The following ZNF721 variants were observed in gnomAD, a reference collection of about 807,000 sequenced individuals.
ZNF721 encodes the protein zinc finger protein 721.
In ZNF721, 2 loss-of-function variants were observed where a neutral mutation model predicts 2.4. The ratio of observed to expected loss-of-function variants is 0.82; its 90% CI spans 0.34 to 2.58. The LOEUF (loss-of-function observed/expected upper bound fraction) is 2.58. Among genes scored for constraint, ZNF721 ranks in the 30% most tolerant of loss-of-function variants. The probability of loss-of-function intolerance (pLI) is 0.11; values close to 1 mark genes in which losing one functional copy is unlikely to be tolerated. For synonymous variants in ZNF721, 398 were observed against 381.8 expected (o/e 1.04, Z -0.50); for missense variants, 1,187 against 1,085.5 (o/e 1.09, Z -1.31).
In ZNF721 at chr4:469,525, G is replaced by A. The variant is rs542053356; in HGVS notation, c.34+3050C>T. ...TCGAAAGTGATTTGTAGATTCAAACGCGATCCCTATCAAAATTTTAGTGTC... is the reference window on the plus strand; with the variant it reads ...TCGAAAGTGATTTGTAGATTCAAACACGATCCCTATCAAAATTTTAGTGTC... On this transcript the variant is annotated intron_variant, in intron 2 of 2. Transcript: ENST00000511833. Among the ~76,000 whole-genome samples the A allele has an allele frequency of 4.6e-5, 7 of 152,152 alleles. No individual in the cohort carries two copies. The South Asian group carries it at 6.2e-4, about 14-fold the overall frequency.
At chr4:454,377 T>C (rs1714771910) in intron 2 of ZNF721, among the ~76,000 whole-genome samples, 2 of 152,242 alleles carry the variant, frequency 1.3e-5, no homozygotes, top group South Asian at 2.1e-4. Flanking sequence ...AAGCTCTTAA[T>C]GATAGTAGCA....
chr4:476,594 C>A (rs781823099), intron 1 of ZNF721, among the ~76,000 whole-genome samples: 1 of 152,196 alleles, frequency 6.6e-6, no homozygotes, highest in Non-Finnish European at 1.5e-5. Flanking sequence ...CACACCAGAT[C>A]GACTGAGCAG....
At chr4:467,601 T>C (rs1715293252) in intron 2 of ZNF721, among the ~76,000 whole-genome samples, 2 of 152,196 alleles carry the variant, frequency 1.3e-5, no homozygotes, top group African/African-American at 2.4e-5. Flanking sequence ...AAATGGTGCA[T>C]GCAGCTTGGT....
chr4:444,295 C>G lies in ZNF721; in HGVS notation c.172G>C (p.Val58Leu), dbSNP rs192147896. ...QLRKGCKSMNVCKVQKGVYNG... is the reference protein window; with the variant it reads ...QLRKGCKSMNLCKVQKGVYNG... ...TAAACTCCCTTCTGCACTTTACACA[C>G]GTTCATACTTTTACAGCCTTTCCTT... Residue 58 changes from valine (V) to leucine (L), a missense_variant, in exon 3 of 3, where the codon GTG (valine) becomes CTG (leucine). Coordinates refer to ENST00000511833, the MANE Select transcript of ZNF721 (RefSeq NM_133474.4). 6 of 1,613,982 alleles carry G rather than the reference C, an allele frequency of 3.7e-6. No individual in the cohort carries two copies. Among genetic ancestry groups the G allele is most frequent in the Non-Finnish European group, 5.1e-6 (6 of 1,180,010 alleles).
chr4:462,343 G>C (rs1381580410), intron 2 of ZNF721, among the ~76,000 whole-genome samples: 6 of 152,154 alleles, frequency 3.9e-5, no homozygotes, highest in African/African-American at 1.4e-4. Flanking sequence ...GTAATTTATA[G>C]ATTCAATGCT....
intron 1 of ZNF721, chr4:474,154 G>A (rs984757872): frequency 4.4e-6 from 3 of 689,254 alleles, no homozygotes; most frequent in South Asian, 3.3e-5. Context: ...GGCCAAGGCC[G>A]CCGAAGATCC....
At chr4:455,088 C>G (rs1714804574) in intron 2 of ZNF721, among the ~76,000 whole-genome samples, 1 of 152,188 alleles carries the variant, frequency 6.6e-6, no homozygotes, top group African/African-American at 2.4e-5. Context: ...CCTCCATAGT[C>G]TGGTGAATGT....
chr4:450,695 T>C (rs1399016863), intron 2 of ZNF721, among the ~76,000 whole-genome samples: 7 of 151,528 alleles, frequency 4.6e-5, no homozygotes, highest in African/African-American at 1.7e-4. Flanking sequence ...CCCAGCACTT[T>C]GGGAGGCCGA....
chr4:491,217 G>A (rs1461772825), intron 1 of ZNF721, among the ~76,000 whole-genome samples: 1 of 152,186 alleles, frequency 6.6e-6, no homozygotes, highest in Non-Finnish European at 1.5e-5. Context: ...CACGAGGTCA[G>A]AAGTTCGAGA....
chr4:483,761 C>T (rs782431840), intron 1 of ZNF721, among the ~76,000 whole-genome samples: 2 of 152,072 alleles, frequency 1.3e-5, no homozygotes, highest in African/African-American at 2.4e-5. Context: ...CAATAAAAAT[C>T]GAAATATTAC....
At chr4:477,382 C>T (rs1715658964) in intron 1 of ZNF721, among the ~76,000 whole-genome samples, 1 of 151,200 alleles carries the variant, frequency 6.6e-6, no homozygotes, top group Non-Finnish European at 1.5e-5. Flanking sequence ...GGACTACAGG[C>T]GCCAGCCAAC....
chr4:456,918 C>T (rs974833387), intron 2 of ZNF721, among the ~76,000 whole-genome samples: 1 of 151,886 alleles, frequency 6.6e-6, no homozygotes, highest in Non-Finnish European at 1.5e-5. Context: ...TGGAGGAGAA[C>T]CTACATGAAA....
chr4:484,631 G>C (rs1299653376), intron 1 of ZNF721, among the ~76,000 whole-genome samples: 1 of 152,226 alleles, frequency 6.6e-6, no homozygotes, highest in African/African-American at 2.4e-5. Flanking sequence ...ATAGACTCCA[G>C]TCTCCCATAG....
Position 444,030 on chromosome 4 carries a change from A to T in ZNF721, c.437T>A (p.Phe146Tyr), listed in dbSNP as rs543482721. The change falls in exon 3 of 3, where the codon TTT (phenylalanine) becomes TAT (tyrosine). Residue 146 changes from phenylalanine (F) to tyrosine (Y), a missense_variant. By Grantham distance (22) the Phe-to-Tyr change is conservative. Transcript: ENST00000511833. ...TTGATTCAGGTCTGTGTACCATCCA[A>T]AGTCTTTGCCACGTTCTTCACAAGT... ...PYTCEERGKD[F>Y]GWYTDLNQHK... The T allele has an allele frequency of 1.2e-6, 2 of 1,613,636 alleles. No individual in the cohort carries two copies. The highest frequency in any genetic ancestry group is 1.7e-6 in the Non-Finnish European group (2 of 1,179,730).
At chr4:478,441 T>C (rs527666825) in intron 1 of ZNF721, among the ~76,000 whole-genome samples, 1 of 152,346 alleles carries the variant, frequency 6.6e-6, no homozygotes, top group South Asian at 2.1e-4. Flanking sequence ...CTTGAACTGT[T>C]TGCCTCAAGA....
intron 2 of ZNF721, among the ~76,000 whole-genome samples, chr4:459,638 T>G (rs1310443147): frequency 1.3e-5 from 2 of 152,088 alleles, no homozygotes; most frequent in African/African-American, 2.4e-5. Context: ...AGACCATCCG[T>G]GGTTAACATG....
intron 2 of ZNF721, among the ~76,000 whole-genome samples, chr4:452,749 T>C (rs1322950838): frequency 6.6e-6 from 1 of 152,174 alleles, no homozygotes; most frequent in Non-Finnish European, 1.5e-5. Context: ...GAAGCAATTG[T>C]TAGCTTTTTA....
intron 2 of ZNF721, chr4:453,569 A>G (rs1222042367): frequency 1.3e-5 from 2 of 152,218 alleles, no homozygotes; most frequent in Non-Finnish European, 2.9e-5. Context: ...ATTATAATGG[A>G]ATAACCTATC....
In ZNF721 at chr4:465,998, TC is replaced by T. The variant is rs1250218541; in HGVS notation, c.34+6576del. ...ATCTTTTTTGTTGTCGTTTTTCTTT[TC>T]TTTTTTTTTTTTTTTGAGGTGGAGT... is the stretch of plus-strand genomic sequence containing the variant. On this transcript the variant is annotated intron_variant, in intron 2 of 2. Transcript: ENST00000511833. Among the ~76,000 whole-genome samples the T allele has an allele frequency of 1.3e-3, 192 of 150,852 alleles. 1 individual carries two copies. Among genetic ancestry groups the T allele is most frequent in the Non-Finnish European group, 2.4e-3 (160 of 67,752 alleles).
Sources: gnomAD v4.1 joint callset for allele counts (sites outside exome capture counted in the v4.1 genomes callset) on GRCh38, gnomAD v4.1.1 for gene constraint, MANE v1.5 for transcripts, NCBI Gene and HGNC (gene_info 2026-07-23, HGNC 2026-07-21) for gene names.